Variants in TMC6 observed in about 807,000 individuals in gnomAD.
The protein encoded by TMC6 is transmembrane channel-like protein 6.
TMC6 carries 71 observed loss-of-function variants against 95.4 expected under a neutral mutation model. That is an observed-to-expected ratio of 0.74 (90% confidence interval 0.61 to 0.91). TMC6 has a LOEUF of 0.91. TMC6 is among the 40% of genes least tolerant of loss of function. The probability of loss-of-function intolerance (pLI) is 0.00; values close to 1 mark genes in which losing one functional copy is unlikely to be tolerated. For missense variants in TMC6, 1,074 were observed against 1,079.1 expected (o/e 1.00, Z 0.07); for synonymous variants, 514 against 483.1 (o/e 1.06, Z -0.84).
At chr17:78,132,083 C>G, upstream of TMC6, 5 of 1,534,428 alleles carry the variant, frequency 3.3e-6, no homozygotes, top group Non-Finnish European at 4.4e-6. Context: ...GCCCCACTGC[C>G]CAGATCGGAA....
At position 78,124,909 on chromosome 17, in the gene TMC6, G is replaced by T. The variant is rs1567999996; in HGVS notation, c.613C>A (p.Leu205Ile). The change falls in exon 7 of 20, where the codon CTC becomes ATC. Residue 205 changes from leucine to isoleucine, a missense_variant. Transcript: ENST00000590602. Reference protein sequence around the residue: ...SGGVCSCCGRLRYACVLALHS... With the variant: ...SGGVCSCCGRIRYACVLALHS... ...CATACCAGCACGCAGGCATATCTGA[G>T]CCGGCCACAGCAGGAGCAGACCCCG... 17 of 1,596,878 alleles carry T rather than the reference G, an allele frequency of 1.1e-5. No homozygotes were observed. Among genetic ancestry groups the T allele is most frequent in the Non-Finnish European group, 1.3e-5 (15 of 1,173,786 alleles).
intron 18 of TMC6, among the ~76,000 whole-genome samples, chr17:78,114,643 A>G (rs1405031231): frequency 6.6e-6 from 1 of 150,542 alleles, no homozygotes; most frequent in Non-Finnish European, 1.5e-5. Flanking sequence ...CAAGAGCCAC[A>G]CGGATTGGCT....
At position 78,110,011 on chromosome 17, in the gene TMC6, A is replaced by C; in HGVS notation, c.*3137T>G. ...AACCCAGTAGGCGGAGGTTGCGGTG[A>C]GCCAAGATCGTCCCGTTGCACTCCA... On this transcript the variant is annotated 3_prime_UTR_variant, in exon 20 of 20. Transcript: ENST00000590602. 1 of 160,944 alleles carries C rather than the reference A, an allele frequency of 6.2e-6. No homozygotes were observed. Among genetic ancestry groups the C allele is most frequent in the Admixed American group, 6.0e-5 (1 of 16,694 alleles). The allele number at this position is 160,944 out of a possible 1,614,324, so 10.0% of individuals were successfully genotyped here. A position where few individuals can be genotyped will look rare whatever the true frequency, so the allele number is the denominator to read the frequency against.
chr17:78,110,485 A>C lies in TMC6; in HGVS notation c.*2663T>G, dbSNP rs189048484. ...AGACTCTGAAAAAGCAAATAAACCGAAACTCTTGGGCTCAAGCAATCCTCC... is the reference window on the plus strand; with the variant it reads ...AGACTCTGAAAAAGCAAATAAACCGCAACTCTTGGGCTCAAGCAATCCTCC... On this transcript the variant is annotated 3_prime_UTR_variant, in exon 20 of 20. Transcript: ENST00000590602. 5 of 152,190 alleles carry C rather than the reference A, an allele frequency of 3.3e-5. No individual in the cohort carries two copies. Among genetic ancestry groups the C allele is most frequent in the Admixed American group, 2.0e-4 (3 of 15,284 alleles). The allele number at this position is 152,190 out of a possible 1,614,324, so 9.4% of individuals were successfully genotyped here.
chr17:78,124,566 G>A lies in TMC6; in HGVS notation c.849C>T (p.Gly283=). 1 of 1,612,092 alleles carries A rather than the reference G, an allele frequency of 6.2e-7. No individual in the cohort carries two copies. Among genetic ancestry groups the A allele is most frequent in the Non-Finnish European group, 8.5e-7 (1 of 1,179,796 alleles). Residue 283 remains glycine, a synonymous_variant, in exon 8 of 20, where the codon GGC becomes GGT. Coordinates refer to ENST00000590602, the MANE Select transcript of TMC6 (RefSeq NM_001127198.5). ...PQVAFPPALP[G]PAPVCTGLEL... is the part of the protein sequence containing the mutation. ...CCAGGCCTGTGCAGACGGGGGCAGG[G>A]CCCGGCAGGGCGGGTGGGAAGGCGA...
rs1393120573 is a variant in TMC6 at position 78,121,678 on chromosome 17, G to T, written c.1261C>A (p.Pro421Thr). 46 of 1,594,466 alleles carry T rather than the reference G, an allele frequency of 2.9e-5. No homozygotes were observed. Among genetic ancestry groups the T allele is most frequent in the Non-Finnish European group, 3.8e-5 (44 of 1,172,712 alleles). The change falls in exon 11 of 20, where the codon CCC (proline) becomes ACC (threonine). Residue 421 changes from proline (P) to threonine (T), a missense_variant. Transcript: ENST00000590602. This position sits in a 1 kb window ranked among gnomAD's most constrained non-coding sequence, Gnocchi z 5.6. ...LLAEWQLRHS[P>T]RSVCGRLRQA... ...CGCAGCCTCCCGCACACGCTCCTGG[G>T]GCTGTGCCGCAGCTGCCACTCGGCC...
Position 78,121,863 on chromosome 17 carries a change from C to CAA in TMC6, c.1228-153_1228-152insTT. Reference sequence around the variant, plus strand: ...GTTCCCCATGCCCCACCTGCCCTTTCATCTGCTGAGGGCCCTCCCTCCAGG... The same window carrying CAA: ...GTTCCCCATGCCCCACCTGCCCTTTCAAATCTGCTGAGGGCCCTCCCTCCAGG... On this transcript the variant is annotated intron_variant, in intron 10 of 19. Transcript: ENST00000590602. The surrounding 1 kb of genome is among the most constrained non-coding windows in gnomAD (Gnocchi z 5.6). 1.9e-6 allele frequency: 2 copies of CAA among 1,064,472 alleles called. No homozygotes were observed. The highest frequency in any genetic ancestry group is 2.6e-6 in the Non-Finnish European group (2 of 754,836). The allele number at this position is 1,064,472 out of a possible 1,614,324, so 65.9% of individuals were successfully genotyped here. A position where few individuals can be genotyped will look rare whatever the true frequency, so the allele number is the denominator to read the frequency against.
intron 18 of TMC6, among the ~76,000 whole-genome samples, chr17:78,116,149 G>A (rs1335852869): frequency 6.6e-6 from 1 of 151,642 alleles, no homozygotes; most frequent in African/African-American, 2.4e-5. Flanking sequence ...GCTGATTTTT[G>A]TACTTTTAGT....
chr17:78,113,858 A>T (rs1405234572), intron 18 of TMC6: 1 of 552,698 alleles, frequency 1.8e-6, no homozygotes, highest in East Asian at 3.2e-5. Flanking sequence ...TGAAAAGGGA[A>T]ATGTAATCAG....
At position 78,121,550 on chromosome 17, in the gene TMC6, C is replaced by A. The variant is rs758248714; in HGVS notation, c.1383+6G>T. On this transcript the variant is annotated splice_donor_region_variant and intron_variant, in intron 11 of 19. Transcript: ENST00000590602. This position sits in a 1 kb window ranked among gnomAD's most constrained non-coding sequence, Gnocchi z 5.6. Reference sequence around the variant, plus strand: ...AGCAAGGGCCAGGCTCCCCCCATCCCCGCACCTGGATCATGAACTCCGAGA... The same window carrying A: ...AGCAAGGGCCAGGCTCCCCCCATCCACGCACCTGGATCATGAACTCCGAGA... The A allele has an allele frequency of 6.2e-7, 1 of 1,611,118 alleles. No individual in the cohort carries two copies. The highest frequency in any genetic ancestry group is 8.5e-7 in the Non-Finnish European group (1 of 1,179,716).
At chr17:78,114,532 C>A (rs1265589139) in intron 18 of TMC6, among the ~76,000 whole-genome samples, 1 of 152,006 alleles carries the variant, frequency 6.6e-6, no homozygotes, top group Non-Finnish European at 1.5e-5. Context: ...GCAGAGGGGG[C>A]ACTTAGCAAA....
Position 78,112,448 on chromosome 17 carries a change from C to G in TMC6, c.*700G>C, listed in dbSNP as rs545698154. Reference sequence around the variant, plus strand: ...CCAGTCAGACCCAGGATCACCACCCCCCAGCCAGCTGCTGGCAGCCAGAAG... The same window carrying G: ...CCAGTCAGACCCAGGATCACCACCCGCCAGCCAGCTGCTGGCAGCCAGAAG... On this transcript the variant is annotated 3_prime_UTR_variant, in exon 20 of 20. Transcript: ENST00000590602. 1,348 of 163,378 alleles carry G rather than the reference C, an allele frequency of 8.3e-3. 7 individuals carry two copies. The highest frequency in any genetic ancestry group is 0.013 in the Non-Finnish European group (952 of 74,152). 10.1% of individuals were successfully genotyped at this position (163,378 alleles called of 1,614,324 possible). A position where few individuals can be genotyped will look rare whatever the true frequency, so the allele number is the denominator to read the frequency against.
At position 78,109,470 on chromosome 17, in the gene TMC6, C is replaced by G; in HGVS notation, c.*3678G>C. On this transcript the variant is annotated 3_prime_UTR_variant, in exon 20 of 20. Transcript: ENST00000590602. ...GTGCAGGACTGGCCCCTGAACAGCA[C>G]AAGTGTAGTATGCCTGGGCCCCAGG... The G allele has an allele frequency of 2.2e-6, 1 of 456,622 alleles. No homozygotes were observed. Among genetic ancestry groups the G allele is most frequent in the Non-Finnish European group, 4.4e-6 (1 of 226,972 alleles). 28.3% of individuals were successfully genotyped at this position (456,622 alleles called of 1,614,324 possible).
rs926846302 is a variant in TMC6 at position 78,117,943 on chromosome 17, G to A, written c.1888-8C>T. ...GTTGGCCAGAAGGCTGGTCTGTGGG[G>A]AAAGGCTGCGCTCTGCCACCATCCT... On this transcript the variant is annotated splice_polypyrimidine_tract_variant and splice_region_variant and intron_variant, in intron 15 of 19. Transcript: ENST00000590602. 6.3e-6 allele frequency: 10 copies of A among 1,595,106 alleles called. No homozygotes were observed. The highest frequency in any genetic ancestry group is 4.5e-5 in the South Asian group (4 of 88,466).
chr17:78,124,377 G>T (rs568353865), intron 8 of TMC6, 147 bp downstream of exon 8: 4 of 1,395,470 alleles, frequency 2.9e-6, no homozygotes, highest in South Asian at 2.5e-5. Context: ...GGTCATTGAG[G>T]GGGAGGCGGG....
rs183447230 is a variant in TMC6 at position 78,120,951 on chromosome 17, C to T, written c.1535+62G>A. The T allele has an allele frequency of 7.2e-4, 1,169 of 1,612,594 alleles. 17 individuals are homozygous for T. In the Admixed American group the frequency reaches 0.013, roughly 18 times the overall value. On this transcript the variant is annotated intron_variant, in intron 12 of 19. Coordinates refer to ENST00000590602, the MANE Select transcript of TMC6 (RefSeq NM_001127198.5). ...CATCCTAAGTAGGTTTGGATACACC[C>T]GGAGCTAAACAACCAGTATCAGCTC... is the stretch of plus-strand genomic sequence containing the variant.
chr17:78,125,302 G>T, intron 5 of TMC6, 39 bp from the exon 6 acceptor site: 1 of 1,529,892 alleles, frequency 6.5e-7, no homozygotes, highest in Non-Finnish European at 8.8e-7. Context: ...ATCCCCAAGT[G>T]CCCCTCCCTG....
rs1428729026 is a variant in TMC6, at chr17:78,113,019, C to T, written c.*129G>A. The T allele has an allele frequency of 2.7e-6, 3 of 1,100,504 alleles. No homozygotes were observed. The highest frequency in any genetic ancestry group is 2.8e-5 in the South Asian group (2 of 72,282). The allele number at this position is 1,100,504 out of a possible 1,614,324, so 68.2% of individuals were successfully genotyped here. A position where few individuals can be genotyped will look rare whatever the true frequency, so the allele number is the denominator to read the frequency against. On this transcript the variant is annotated 3_prime_UTR_variant, in exon 20 of 20. Coordinates refer to ENST00000590602, the MANE Select transcript of TMC6 (RefSeq NM_001127198.5). ...GATTCACCCACCCTTCCAGCTCCAG[C>T]CTAGGCGCAGCTGCGGCTTTCGAGA...
At position 78,125,267 on chromosome 17, in the gene TMC6, C is replaced by T. The variant is rs760569150; in HGVS notation, c.431-4G>A. 6.4e-7 allele frequency: 1 copy of T among 1,563,074 alleles called. No homozygotes were observed. The highest frequency in any genetic ancestry group is 8.7e-7 in the Non-Finnish European group (1 of 1,153,256). ...TTCACCAGGAGGCTCTGCTTCTCTG[C>T]GAGAGGGAGAGGGAGGTCCTGCCCA... On this transcript the variant is annotated splice_region_variant and splice_polypyrimidine_tract_variant and intron_variant, in intron 5 of 19. Transcript: ENST00000590602.
Sources: gnomAD v4.1 joint callset for allele counts (sites outside exome capture counted in the v4.1 genomes callset) on GRCh38, gnomAD v4.1.1 for gene constraint, Gnocchi (gnomAD v3.1) non-coding constraint, MANE v1.5 for transcripts, NCBI Gene and HGNC (gene_info 2026-07-23, HGNC 2026-07-21) for gene names.